The following EIF4G3 variants were observed in gnomAD, a reference collection of about 807,000 sequenced individuals.
EIF4G3 encodes the protein eukaryotic translation initiation factor 4 gamma 3.
In EIF4G3, 34 loss-of-function variants were observed where a neutral mutation model predicts 186.4. The observed-to-expected ratio is 0.18, with a 90% CI of 0.14 to 0.24. The LOEUF (loss-of-function observed/expected upper bound fraction) is 0.24. Among genes scored for constraint, EIF4G3 ranks in the 10% least tolerant of loss-of-function variants. EIF4G3 has a pLI of 1.00. For synonymous variants in EIF4G3, 673 were observed against 679.5 expected, an observed-to-expected ratio of 0.99 and a Z score of 0.15; for missense variants, 1,536 against 1,948.5, an observed-to-expected ratio of 0.79 and a Z score of 3.99.
chr1:21,040,410 C>G (rs746713599), intron 4 of EIF4G3, among the ~76,000 whole-genome samples: 4 of 152,136 alleles, frequency 2.6e-5, no homozygotes, highest in Non-Finnish European at 5.9e-5. Flanking sequence ...TTTGTGATAT[C>G]CTTTATAATA....
At chr1:20,839,386 C>T (rs187553232) in intron 30 of EIF4G3, among the ~76,000 whole-genome samples, 1 of 152,194 alleles carries the variant, frequency 6.6e-6, no homozygotes, top group Non-Finnish European at 1.5e-5. Flanking sequence ...ACTGGGATTA[C>T]AGGCGTGAGT....
At chr1:20,953,206 G>A (rs1047380678) in intron 12 of EIF4G3, among the ~76,000 whole-genome samples, 1 of 152,136 alleles carries the variant, frequency 6.6e-6, no homozygotes, top group African/African-American at 2.4e-5. Context: ...GAGTTAAAAG[G>A]TCAGGGTCAT....
At chr1:20,866,834 C>T (rs142509619) in intron 20 of EIF4G3, among the ~76,000 whole-genome samples, 1 of 152,284 alleles carries the variant, frequency 6.6e-6, no homozygotes, top group African/African-American at 2.4e-5. Context: ...ATAAGTTAAA[C>T]CAGCCACAAA....
chr1:20,857,414 T>C lies in EIF4G3; in HGVS notation c.3328A>G (p.Lys1110Glu), dbSNP rs1482126743. The change falls in exon 25 of 37, where the codon AAA becomes GAA. Residue 1110 changes from lysine to glutamate, a missense_variant. Physicochemically the swap from Lys to Glu is moderately conservative, Grantham distance 56. Coordinates refer to ENST00000602326, the MANE Select transcript of EIF4G3 (RefSeq NM_001391906.1). ...SRVLDPSKFL[K>E]ITKPTIDEKI... Reference sequence around the variant, plus strand: ...AATGTCAGACTCACCTTAGTGATTTTTAGGAATTTTGAGGGGTCCAGTACC... The same window carrying C: ...AATGTCAGACTCACCTTAGTGATTTCTAGGAATTTTGAGGGGTCCAGTACC... 1.9e-6 allele frequency: 3 copies of C among 1,613,810 alleles called. No homozygotes were observed. Among genetic ancestry groups the C allele is most frequent in the Non-Finnish European group, 2.5e-6 (3 of 1,179,936 alleles).
chr1:20,983,640 A>C (rs1260057881), intron 7 of EIF4G3, among the ~76,000 whole-genome samples: 3 of 152,214 alleles, frequency 2.0e-5, no homozygotes, highest in African/African-American at 7.2e-5. Context: ...TGTTCAACTT[A>C]CTGGGCATTG....
intron 36 of EIF4G3, among the ~76,000 whole-genome samples, chr1:20,808,505 C>T (rs1570757654): frequency 6.6e-6 from 1 of 151,904 alleles, no homozygotes. Context: ...CACAGTGAAA[C>T]CCCGTCTCTA....
chr1:20,816,384 C>T (rs1436782525), intron 34 of EIF4G3, among the ~76,000 whole-genome samples: 3 of 114,798 alleles, frequency 2.6e-5, no homozygotes, highest in African/African-American at 6.4e-5. Context: ...GTCAGCCCCC[C>T]GCCCGGCCGG....
At chr1:21,122,912 T>C (rs1200886815) in intron 2 of EIF4G3, among the ~76,000 whole-genome samples, 1 of 152,110 alleles carries the variant, frequency 6.6e-6, no homozygotes, top group Admixed American at 6.6e-5. Context: ...CTACAGAAGC[T>C]AGAGAAAAGT....
In EIF4G3 at chr1:20,807,258, T is replaced by G; in HGVS notation, c.*61A>C. On this transcript the variant is annotated 3_prime_UTR_variant, in exon 37 of 37. Coordinates refer to ENST00000602326, the MANE Select transcript of EIF4G3 (RefSeq NM_001391906.1). ...TGCTGCACTGTGATTGGCGAAGACGTGAAACTTTTTAAAAAAATACTTAAA... is the reference window on the plus strand; with the variant it reads ...TGCTGCACTGTGATTGGCGAAGACGGGAAACTTTTTAAAAAAATACTTAAA... 1 of 1,508,200 alleles carries G rather than the reference T, an allele frequency of 6.6e-7. No individual in the cohort carries two copies. Among genetic ancestry groups the G allele is most frequent in the Non-Finnish European group, 9.0e-7 (1 of 1,112,538 alleles). The allele number at this position is 1,508,200 out of a possible 1,614,324, so 93.4% of individuals were successfully genotyped here.
At chr1:21,078,413 G>T (rs575415107) in intron 3 of EIF4G3, among the ~76,000 whole-genome samples, 2 of 152,262 alleles carry the variant, frequency 1.3e-5, no homozygotes, top group East Asian at 3.9e-4. Flanking sequence ...ATCTCATGTA[G>T]GTACAGAGTA....
intron 4 of EIF4G3, among the ~76,000 whole-genome samples, chr1:21,016,248 T>C (rs190899308): frequency 4.6e-5 from 7 of 152,350 alleles, no homozygotes; most frequent in Admixed American, 6.5e-5. Context: ...TGATTTTACA[T>C]GAAATCCCTC....
chr1:20,917,350 G>T (rs2093993220), intron 14 of EIF4G3, among the ~76,000 whole-genome samples: 1 of 152,026 alleles, frequency 6.6e-6, no homozygotes, highest in Non-Finnish European at 1.5e-5. Flanking sequence ...CAAATAAACA[G>T]CAAAAAATTA....
chr1:21,155,988 G>A (rs972197349), intron 2 of EIF4G3, among the ~76,000 whole-genome samples: 19 of 152,066 alleles, frequency 1.2e-4, no homozygotes, highest in Admixed American at 1.0e-3. Flanking sequence ...TTAGCTGGGC[G>A]TGGTGGCACA....
intron 24 of EIF4G3, among the ~76,000 whole-genome samples, chr1:20,858,347 A>C (rs1161691770): frequency 6.6e-6 from 1 of 152,012 alleles, no homozygotes; most frequent in Non-Finnish European, 1.5e-5. Flanking sequence ...CCCCCTTGCT[A>C]TTCCTTGAAA....
chr1:20,901,968 T>C (rs1024661457), intron 15 of EIF4G3, among the ~76,000 whole-genome samples: 1 of 152,184 alleles, frequency 6.6e-6, no homozygotes, highest in Non-Finnish European at 1.5e-5. Context: ...TATATAATAA[T>C]TGATGAAATG....
At chr1:20,976,738 A>G (rs2076932543) in intron 10 of EIF4G3, among the ~76,000 whole-genome samples, 1 of 152,210 alleles carries the variant, frequency 6.6e-6, no homozygotes, top group Admixed American at 6.5e-5. Flanking sequence ...AATTTTCCAT[A>G]GAAACAATAA....
At chr1:20,846,634 C>T (rs988919599) in intron 29 of EIF4G3, among the ~76,000 whole-genome samples, 2 of 152,126 alleles carry the variant, frequency 1.3e-5, no homozygotes, top group African/African-American at 2.4e-5. Flanking sequence ...AATGTAAGCT[C>T]CATGGAAGCA....
At chr1:20,824,065 G>A (rs1218343938) in intron 33 of EIF4G3, among the ~76,000 whole-genome samples, 2 of 152,226 alleles carry the variant, frequency 1.3e-5, no homozygotes, top group East Asian at 1.9e-4. Flanking sequence ...TGGGCTATGT[G>A]TCCTTTGGGC....
chr1:20,934,059 C>T (rs1347011871), intron 14 of EIF4G3, among the ~76,000 whole-genome samples: 1 of 152,108 alleles, frequency 6.6e-6, no homozygotes, highest in Admixed American at 6.6e-5. Flanking sequence ...CTAGTCAAAA[C>T]TCACAGAAAT....
Sources: gnomAD v4.1 joint callset for allele counts (sites outside exome capture counted in the v4.1 genomes callset) on GRCh38, gnomAD v4.1.1 for gene constraint, MANE v1.5 for transcripts, NCBI Gene and HGNC (gene_info 2026-07-23, HGNC 2026-07-21) for gene names.